The following NDFIP2 variants were observed in gnomAD, a reference collection of about 807,000 sequenced individuals.
NDFIP2 encodes the protein NEDD4 family-interacting protein 2.
Under a neutral mutation model 36.0 loss-of-function variants are expected in NDFIP2, and 19 were observed. The observed-to-expected ratio is 0.53, with a 90% confidence interval of 0.37 to 0.77. The LOEUF (loss-of-function observed/expected upper bound fraction) is 0.77. Ranked by LOEUF, NDFIP2 falls within the 30% of genes least tolerant of loss-of-function variation. The pLI is 0.00. For missense variants in NDFIP2, 446 were observed against 435.8 expected (o/e 1.02, Z -0.21); for synonymous variants, 181 against 167.7 (o/e 1.08, Z -0.61).
chr13:79,511,616 C>G (rs1245302444), intron 1 of NDFIP2, among the ~76,000 whole-genome samples: 1 of 152,126 alleles, frequency 6.6e-6, no homozygotes, highest in Non-Finnish European at 1.5e-5. Flanking sequence ...GTGCATATTG[C>G]ATCCATTATT....
intron 1 of NDFIP2, among the ~76,000 whole-genome samples, chr13:79,517,896 T>C (rs962354748): frequency 1.3e-5 from 2 of 152,198 alleles, no homozygotes; most frequent in Non-Finnish European, 2.9e-5. Flanking sequence ...CTGTTTTGCA[T>C]ATAAGATTTT....
chr13:79,528,777 T>C (rs1459868229), intron 2 of NDFIP2, among the ~76,000 whole-genome samples: 1 of 152,224 alleles, frequency 6.6e-6, no homozygotes, highest in Non-Finnish European at 1.5e-5. Context: ...AGCAATAGGC[T>C]ATATACCATA....
intron 1 of NDFIP2, among the ~76,000 whole-genome samples, chr13:79,508,922 A>G (rs1248060995): frequency 6.6e-6 from 1 of 152,150 alleles, no homozygotes; most frequent in South Asian, 2.1e-4. Context: ...CTTTTCCAAC[A>G]TGCAGTTTTA....
chr13:79,484,105 T>C (rs2079829896), intron 1 of NDFIP2, among the ~76,000 whole-genome samples: 2 of 152,052 alleles, frequency 1.3e-5, no homozygotes, highest in African/African-American at 2.4e-5. Context: ...AACATCCGCC[T>C]CCTGGGTTCA....
chr13:79,525,826 G>A (rs1410750487), intron 2 of NDFIP2, among the ~76,000 whole-genome samples: 1 of 152,210 alleles, frequency 6.6e-6, no homozygotes, highest in African/African-American at 2.4e-5. Context: ...ACTGTGGAAA[G>A]CAAAACCGTG....
In NDFIP2 at chr13:79,507,528, C is replaced by A. The variant is rs2140751432; in HGVS notation, c.322-13282C>A. On this transcript the variant is annotated intron_variant, in intron 1 of 7. Transcript: ENST00000218652. ...TGACCTCGTGATCCGCCCGCCTCGG[C>A]CTCCCAAAGTGCTGGGATTACAGGC... is the stretch of plus-strand genomic sequence containing the variant. Among the ~76,000 whole-genome samples, 2 of 30,948 alleles carry A rather than the reference C, an allele frequency of 6.5e-5. 1 individual carries two copies. The highest frequency in any genetic ancestry group is 1.6e-3 in the South Asian group (2 of 1,272). The allele number at this position is 30,948 out of a possible 152,430, so 20.3% of individuals were successfully genotyped here.
At chr13:79,494,740 G>T (rs1310686193) in intron 1 of NDFIP2, among the ~76,000 whole-genome samples, 1 of 151,960 alleles carries the variant, frequency 6.6e-6, no homozygotes, top group Non-Finnish European at 1.5e-5. Context: ...ATGTTTTCCA[G>T]TAGGTTCCTA....
intron 2 of NDFIP2, among the ~76,000 whole-genome samples, chr13:79,524,244 C>A (rs1293520639): frequency 6.6e-6 from 1 of 152,178 alleles, no homozygotes; most frequent in East Asian, 1.9e-4. Flanking sequence ...AAATCCTTCT[C>A]CACCAACTTG....
At chr13:79,516,432 A>C (rs940068582) in intron 1 of NDFIP2, among the ~76,000 whole-genome samples, 1 of 152,060 alleles carries the variant, frequency 6.6e-6, no homozygotes. Context: ...TGTGTTGCCC[A>C]GGCTGGTCTT....
chr13:79,482,161 CTTTCTTTCTT>C (rs2079817836), intron 1 of NDFIP2, among the ~76,000 whole-genome samples: 1 of 65,936 alleles, frequency 1.5e-5, no homozygotes, highest in African/African-American at 5.7e-5. Context: ...TTCTTTCTTT[CTTTCTTTCTT>C]TTTTTTTTTT....
At chr13:79,494,517 T>A (rs1873363613) in intron 1 of NDFIP2, among the ~76,000 whole-genome samples, 1 of 152,054 alleles carries the variant, frequency 6.6e-6, no homozygotes. Context: ...CATGTTAATT[T>A]TTGCATGGTC....
chr13:79,522,397 C>T lies in NDFIP2; in HGVS notation c.487+1422C>T, dbSNP rs1594851957. On this transcript the variant is annotated intron_variant, in intron 2 of 7. Transcript: ENST00000218652. Reference sequence around the variant, plus strand: ...AGAAAGAAAATGAGTTGTTTTCCTACTGATGTTTGTCTGAGTAATGAAAGA... The same window carrying T: ...AGAAAGAAAATGAGTTGTTTTCCTATTGATGTTTGTCTGAGTAATGAAAGA... Among the ~76,000 whole-genome samples the T allele has an allele frequency of 2.0e-5, 3 of 152,246 alleles. 1 individual carries two copies. The Middle Eastern group carries it at 0.01, about 518-fold the overall frequency.
chr13:79,552,088 T>C (rs986732072), intron 7 of NDFIP2, among the ~76,000 whole-genome samples: 1 of 151,402 alleles, frequency 6.6e-6, no homozygotes, highest in Non-Finnish European at 1.5e-5. Context: ...GCTAGAGTAC[T>C]ATGAATACAT....
chr13:79,529,319 T>C (rs1874920534), intron 2 of NDFIP2, among the ~76,000 whole-genome samples: 1 of 152,148 alleles, frequency 6.6e-6, no homozygotes, highest in South Asian at 2.1e-4. Context: ...CCAACTTTCA[T>C]GTATTAGTGG....
intron 2 of NDFIP2, among the ~76,000 whole-genome samples, chr13:79,530,803 C>T (rs550686802): frequency 2.6e-5 from 4 of 152,266 alleles, no homozygotes; most frequent in Admixed American, 1.3e-4. Context: ...GTTTCTCCCA[C>T]GTCTGCAATT....
intron 1 of NDFIP2, among the ~76,000 whole-genome samples, chr13:79,518,761 T>G (rs1177741830): frequency 6.6e-6 from 1 of 152,192 alleles, no homozygotes; most frequent in Non-Finnish European, 1.5e-5. Flanking sequence ...TTATCAGAGG[T>G]CCTAAAAGGT....
At position 79,535,015 on chromosome 13, in the gene NDFIP2, C is replaced by A. The variant is rs149998640; in HGVS notation, c.621+1559C>A. 2.6e-4 allele frequency among the ~76,000 whole-genome samples: 40 copies of A among 152,226 alleles called. No homozygotes were observed. In the East Asian group the frequency reaches 7.3e-3, roughly 28 times the overall value. ...TCCTTCACAGAGGAGGAAAGTAAGTCTCTTAACACAGTGGCATAATATAGC... is the reference window on the plus strand; with the variant it reads ...TCCTTCACAGAGGAGGAAAGTAAGTATCTTAACACAGTGGCATAATATAGC... On this transcript the variant is annotated intron_variant, in intron 3 of 7. Coordinates refer to ENST00000218652, the MANE Select transcript of NDFIP2 (RefSeq NM_019080.3).
Position 79,553,976 on chromosome 13 carries a change from T to C in NDFIP2, c.*1463T>C, listed in dbSNP as rs1394519005. 1 of 151,694 alleles carries C rather than the reference T, an allele frequency of 6.6e-6. No homozygotes were observed. The highest frequency in any genetic ancestry group is 6.6e-5 in the Admixed American group (1 of 15,202). The allele number at this position is 151,694 out of a possible 1,614,324, so 9.4% of individuals were successfully genotyped here. A position where few individuals can be genotyped will look rare whatever the true frequency, so the allele number is the denominator to read the frequency against. Reference sequence around the variant, plus strand: ...ACTACTAAAAGGTACATCTAACTATTCAGGGACATTTTTCCATTTCCAAAA... The same window carrying C: ...ACTACTAAAAGGTACATCTAACTATCCAGGGACATTTTTCCATTTCCAAAA... On this transcript the variant is annotated 3_prime_UTR_variant, in exon 8 of 8. Transcript: ENST00000218652.
intron 4 of NDFIP2, among the ~76,000 whole-genome samples, chr13:79,541,047 TAAC>T (rs1875436224): frequency 6.6e-6 from 1 of 152,180 alleles, no homozygotes; most frequent in African/African-American, 2.4e-5. Context: ...AACATTTTAA[TAAC>T]AAACTTCTCA....
Sources: allele counts gnomAD v4.1 joint callset (sites outside exome capture counted in the v4.1 genomes callset), GRCh38; gene constraint gnomAD v4.1.1; transcripts MANE v1.5; gene names NCBI Gene and HGNC (gene_info 2026-07-23, HGNC 2026-07-21).